Variants in SCNN1D observed in about 807,000 individuals in gnomAD.
SCNN1D encodes sodium channel epithelial 1 subunit delta.
SCNN1D carries 104 observed loss-of-function variants against 87.8 expected under a neutral mutation model. The observed-to-expected ratio is 1.18, with a 90% CI of 1.01 to 1.39. The LOEUF (loss-of-function observed/expected upper bound fraction) is 1.39, where lower values mean the gene tolerates loss of function less well. SCNN1D is among the 40% of genes most tolerant of loss of function. The pLI is 0.00. For missense variants in SCNN1D, 1,324 were observed against 1,093.9 expected, an observed-to-expected ratio of 1.21 and a Z score of -2.97; for synonymous variants, 628 against 481.2, an observed-to-expected ratio of 1.31 and a Z score of -3.99.
chr1:1,291,802 G>A lies in SCNN1D; in HGVS notation c.*192G>A, dbSNP rs13306642. 4.9e-3 allele frequency: 2,336 copies of A among 474,140 alleles called. 63 individuals carry two copies. The East Asian group carries it at 0.063, about 13-fold the overall frequency. The allele number at this position is 474,140 out of a possible 1,614,324, so 29.4% of individuals were successfully genotyped here. On this transcript the variant is annotated 3_prime_UTR_variant, in exon 18 of 18. Coordinates refer to ENST00000379116, the MANE Select transcript of SCNN1D (RefSeq NM_001130413.4). ...TACACTGCCTGGGGTGGGTCTCAAG[G>A]AGGCCCGGGGCGGAGGGGGGTTCCC...
In SCNN1D at chr1:1,288,033, G is replaced by C. The variant is rs749476110; in HGVS notation, c.1658G>C (p.Arg553Thr). The C allele has an allele frequency of 7.6e-5, 117 of 1,534,596 alleles. No homozygotes were observed. The highest frequency in any genetic ancestry group is 9.5e-5 in the Non-Finnish European group (108 of 1,137,842). The change falls in exon 12 of 18, where the codon AGG becomes ACG. Residue 553 changes from arginine (R) to threonine (T), a missense_variant. Physicochemically the swap from Arg to Thr is moderately conservative, Grantham distance 71. Transcript: ENST00000379116. ...CTGCTACACAACACCTCCTACACCA[G>C]GCAGGTGAGGCTGGGCTGGCAGGGG... ...VELLHNTSYTRQACLVSCFQQ... is the reference protein window; with the variant it reads ...VELLHNTSYTTQACLVSCFQQ...
In SCNN1D at chr1:1,291,798, CAAG is replaced by C; in HGVS notation, c.*189_*191del. The stretch of plus-strand genomic sequence containing the variant: ...CACCTACACTGCCTGGGGTGGGTCT[CAAG>C]GAGGCCCGGGGCGGAGGGGGGTTCC... On this transcript the variant is annotated 3_prime_UTR_variant, in exon 18 of 18. Coordinates refer to ENST00000379116, the MANE Select transcript of SCNN1D (RefSeq NM_001130413.4). 1 of 479,442 alleles carries C rather than the reference CAAG, an allele frequency of 2.1e-6. No homozygotes were observed. Among genetic ancestry groups the C allele is most frequent in the African/African-American group, 2.0e-5 (1 of 49,962 alleles). The allele number at this position is 479,442 out of a possible 1,614,324, so 29.7% of individuals were successfully genotyped here.
chr1:1,287,430 C>A, intron 9 of SCNN1D, 78 bp from the exon 10 acceptor site: 3 of 1,487,204 alleles, frequency 2.0e-6, no homozygotes, highest in Non-Finnish European at 2.7e-6. Context: ...AGACACAGGG[C>A]AGGCCATGGC....
chr1:1,283,914 G>T (rs961992354), intron 4 of SCNN1D, 64 bp from the exon 5 acceptor site: 10 of 927,196 alleles, frequency 1.1e-5, no homozygotes, highest in African/African-American at 1.8e-5. Flanking sequence ...AGGTGTGGCT[G>T]CCCTGGCTGG....
chr1:1,290,457 G>A lies in SCNN1D; in HGVS notation c.1781-20G>A, dbSNP rs751351397. ...GGGGGTCACAGCGAGCCTCACACAT[G>A]CCTCTGACCCCTCCCCAAGGACACT... On this transcript the variant is annotated intron_variant, in intron 13 of 17. Transcript: ENST00000379116. 2.2e-5 allele frequency: 36 copies of A among 1,612,432 alleles called. No homozygotes were observed. Among genetic ancestry groups the A allele is most frequent in the Middle Eastern group, 1.7e-4 (1 of 6,060 alleles).
At chr1:1,290,790 G>A in intron 15 of SCNN1D, 96 bp downstream of exon 15, 1 of 1,583,000 alleles carries the variant, frequency 6.3e-7, no homozygotes, top group Non-Finnish European at 8.6e-7. Flanking sequence ...GGCCGGAACT[G>A]ACCCAGCCTA....
intron 13 of SCNN1D, 35 bp downstream of exon 13, chr1:1,290,423 C>T (rs777648866): frequency 1.2e-6 from 2 of 1,609,396 alleles, no homozygotes; most frequent in Non-Finnish European, 1.7e-6. Context: ...CTCTGTCAGC[C>T]ATTAGCCGGG....
At position 1,285,674 on chromosome 1, in the gene SCNN1D, G is replaced by A. The variant is rs548402146; in HGVS notation, c.558+10G>A. The A allele has an allele frequency of 2.0e-6, 3 of 1,527,924 alleles. No homozygotes were observed. The highest frequency in any genetic ancestry group is 1.8e-6 in the Non-Finnish European group (2 of 1,134,810). The allele number at this position is 1,527,924 out of a possible 1,614,324, so 94.6% of individuals were successfully genotyped here. ...CTGCAAACAGGGCCAGGTAGGGCCTGAGCACCCTGTTCTCTGAGTCCTGCT... is the reference window on the plus strand; with the variant it reads ...CTGCAAACAGGGCCAGGTAGGGCCTAAGCACCCTGTTCTCTGAGTCCTGCT... On this transcript the variant is annotated intron_variant, in intron 6 of 17. Coordinates refer to ENST00000379116, the MANE Select transcript of SCNN1D (RefSeq NM_001130413.4).
chr1:1,287,223 T>C lies in SCNN1D; in HGVS notation c.1234T>C (p.Trp412Arg). The change falls in exon 9 of 18, where the codon TGG becomes CGG. Residue 412 changes from tryptophan (W) to arginine (R), a missense_variant. Coordinates refer to ENST00000379116, the MANE Select transcript of SCNN1D (RefSeq NM_001130413.4). ...TATCCTGGCCCTGCTGCCCGCGGCA[T>C]GGGAGGACAGCCACGGGAGCCAGGA... The part of the protein sequence containing the change: ...VDILALLPAA[W>R]EDSHGSQDGH... The C allele has an allele frequency of 6.2e-7, 1 of 1,611,788 alleles. No individual in the cohort carries two copies. Among genetic ancestry groups the C allele is most frequent in the Non-Finnish European group, 8.5e-7 (1 of 1,179,548 alleles).
rs376662952 is a variant in SCNN1D at position 1,291,815 on chromosome 1, GA to G, written c.*206del. 6.0e-5 allele frequency: 28 copies of G among 465,176 alleles called. No homozygotes were observed. Among genetic ancestry groups the G allele is most frequent in the Middle Eastern group, 5.3e-4 (1 of 1,872 alleles). The allele number at this position is 465,176 out of a possible 1,614,324, so 28.8% of individuals were successfully genotyped here. A position where few individuals can be genotyped will look rare whatever the true frequency, so the allele number is the denominator to read the frequency against. Reference sequence around the variant, plus strand: ...GTGGGTCTCAAGGAGGCCCGGGGCGGAGGGGGGTTCCCGCGTGCACACGAGT... The same window carrying G: ...GTGGGTCTCAAGGAGGCCCGGGGCGGGGGGGGTTCCCGCGTGCACACGAGT... On this transcript the variant is annotated 3_prime_UTR_variant, in exon 18 of 18. Transcript: ENST00000379116.
intron 12 of SCNN1D, 60 bp downstream of exon 12, chr1:1,288,097 G>A: frequency 2.5e-6 from 3 of 1,203,256 alleles, no homozygotes; most frequent in South Asian, 3.0e-5. Flanking sequence ...CAGGGGGTGT[G>A]GGCGGGTGGA....
intron 12 of SCNN1D, among the ~76,000 whole-genome samples, 185 bp downstream of exon 12, chr1:1,288,222 CGTGT>C (rs1557584176): frequency 1.8e-3 from 237 of 129,586 alleles, no homozygotes; most frequent in African/African-American, 6.6e-3. Context: ...TGCTCCGTCC[CGTGT>C]CTCTGCTCCG....
At chr1:1,282,187 G>A in intron 3 of SCNN1D, 55 bp from the exon 4 acceptor site, 1 of 1,026,464 alleles carries the variant, frequency 9.7e-7, no homozygotes, top group Non-Finnish European at 1.5e-6. Context: ...AGCTCAGAGA[G>A]GTTGAGTAAC....
chr1:1,282,284 C>T lies in SCNN1D; in HGVS notation c.320C>T (p.Pro107Leu), dbSNP rs1382110785. The stretch of plus-strand genomic sequence containing the variant: ...ATGGCTTTCCTCTCCAGGACGTCAC[C>T]GGTGGCAGCTGCTTCCTTCCAGAGC... ...SSMAFLSRTS[P>L]VAAASFQSRQ... is the part of the protein sequence containing the mutation. Residue 107 changes from proline (P) to leucine (L), a missense_variant, in exon 4 of 18, where the codon CCG (proline) becomes CTG (leucine). Coordinates refer to ENST00000379116, the MANE Select transcript of SCNN1D (RefSeq NM_001130413.4). 6 of 1,549,936 alleles carry T rather than the reference C, an allele frequency of 3.9e-6. No homozygotes were observed. The highest frequency in any genetic ancestry group is 1.2e-5 in the South Asian group (1 of 84,054).
At chr1:1,285,811 C>A in intron 6 of SCNN1D, 115 bp from the exon 7 acceptor site, 1 of 1,232,194 alleles carries the variant, frequency 8.1e-7, no homozygotes, top group Non-Finnish European at 1.1e-6. Context: ...AGGGGCTTGT[C>A]CGAGCGACCG....
rs1570604460 is a variant in SCNN1D at position 1,285,733 on chromosome 1, G to C, written c.558+69G>C. 4 of 1,327,340 alleles carry C rather than the reference G, an allele frequency of 3.0e-6. No individual in the cohort carries two copies. The East Asian group carries it at 1.0e-4, about 34-fold the overall frequency. The allele number at this position is 1,327,340 out of a possible 1,614,324, so 82.2% of individuals were successfully genotyped here. A position where few individuals can be genotyped will look rare whatever the true frequency, so the allele number is the denominator to read the frequency against. On this transcript the variant is annotated intron_variant, in intron 6 of 17. Transcript: ENST00000379116. ...AGCCCAAACTCAAACTCAGCTCCAA[G>C]GCTACACTGAGACGTGTCAGGGACG... is the stretch of plus-strand genomic sequence containing the variant.
At position 1,291,582 on chromosome 1, in the gene SCNN1D, C is replaced by T. The variant is rs1640820618; in HGVS notation, c.2381C>T (p.Pro794Leu). The T allele has an allele frequency of 3.2e-6, 5 of 1,559,204 alleles. No individual in the cohort carries two copies. The highest frequency in any genetic ancestry group is 2.3e-5 in the East Asian group (1 of 44,020). ...GVSAEESWAG[P>L]QPLETLDT The stretch of plus-strand genomic sequence containing the variant: ...TCAGCCGAAGAGAGCTGGGCTGGGC[C>T]CCAGCCCCTTGAGACTCTGGACACC... Residue 794 changes from proline to leucine, a missense_variant, in exon 18 of 18, where the codon CCC becomes CTC. Coordinates refer to ENST00000379116, the MANE Select transcript of SCNN1D (RefSeq NM_001130413.4).
Position 1,291,384 on chromosome 1 carries a change from G to C in SCNN1D, c.2183G>C (p.Arg728Pro), listed in dbSNP as rs377745829. Residue 728 changes from arginine (R) to proline (P), a missense_variant, in exon 18 of 18, where the codon CGG becomes CCG. Coordinates refer to ENST00000379116, the MANE Select transcript of SCNN1D (RefSeq NM_001130413.4). ...SALTLVLGGR[R>P]LRRAWFSWPR... ...CTCACCCTGGTGCTAGGCGGCCGCC[G>C]GCTCCGCAGGGCGTGGTTCTCCTGG... 2 of 1,608,224 alleles carry C rather than the reference G, an allele frequency of 1.2e-6. No homozygotes were observed. Among genetic ancestry groups the C allele is most frequent in the African/African-American group, 2.7e-5 (2 of 74,838 alleles).
At position 1,284,004 on chromosome 1, in the gene SCNN1D, G is replaced by A. The variant is rs1223214939; in HGVS notation, c.378G>A (p.Gln126=). The change falls in exon 5 of 18, where the codon CAG becomes CAA. Residue 126 remains glutamine (Q), a synonymous_variant. Transcript: ENST00000379116. ...RQEARGSILL[Q]SCQLPPQWLS... is the part of the protein sequence containing the mutation. ...AGGCCAGAGGCTCCATCCTGCTTCA[G>A]AGCTGCCAGCTGCCCCCGCAATGGC... 1 of 1,445,274 alleles carries A rather than the reference G, an allele frequency of 6.9e-7. No homozygotes were observed. Among genetic ancestry groups the A allele is most frequent in the African/African-American group, 1.6e-5 (1 of 61,668 alleles). The allele number at this position is 1,445,274 out of a possible 1,614,324, so 89.5% of individuals were successfully genotyped here. A position where few individuals can be genotyped will look rare whatever the true frequency, so the allele number is the denominator to read the frequency against.
Sources: gnomAD v4.1 joint callset for allele counts (sites outside exome capture counted in the v4.1 genomes callset) on GRCh38, gnomAD v4.1.1 for gene constraint, MANE v1.5 for transcripts, NCBI Gene and HGNC (gene_info 2026-07-23, HGNC 2026-07-21) for gene names.